The following CAND1 variants were observed in gnomAD, a reference collection of about 807,000 sequenced individuals.
CAND1 encodes cullin-associated NEDD8-dissociated protein 1.
In CAND1, 7 loss-of-function variants were observed where a neutral mutation model predicts 108.5. That is an observed-to-expected ratio of 0.06 (90% CI 0.04 to 0.12). The LOEUF is 0.12. Among genes scored for constraint, CAND1 ranks in the 10% least tolerant of loss-of-function variants. CAND1 has a pLI of 1.00. For synonymous variants in CAND1, 534 were observed against 512.0 expected, an observed-to-expected ratio of 1.04 and a Z score of -0.58; for missense variants, 941 against 1,448.7, an observed-to-expected ratio of 0.65 and a Z score of 5.69.
chr12:67,293,796 G>T (rs1424325271), intron 3 of CAND1, among the ~76,000 whole-genome samples: 1 of 152,066 alleles, frequency 6.6e-6, no homozygotes, highest in Non-Finnish European at 1.5e-5. Context: ...TGTAGTCTGG[G>T]TATGTTATTT....
chr12:67,279,739 G>C (rs4264226), intron 1 of CAND1, among the ~76,000 whole-genome samples: 2,292 of 152,148 alleles, frequency 0.015, 49 homozygotes, highest in African/African-American at 0.052. Context: ...TTACATAATA[G>C]ACAGTGAATA....
chr12:67,288,109 T>C (rs1488745278), intron 2 of CAND1, among the ~76,000 whole-genome samples: 1 of 151,680 alleles, frequency 6.6e-6, no homozygotes, highest in Non-Finnish European at 1.5e-5. Flanking sequence ...AGGTATTTGA[T>C]AGTGTTCAGA....
At chr12:67,285,058 CT>C (rs1399706496) in intron 2 of CAND1, among the ~76,000 whole-genome samples, 7 of 152,132 alleles carry the variant, frequency 4.6e-5, no homozygotes, top group African/African-American at 1.7e-4. Context: ...TTCATATAAG[CT>C]TTTGATAAGT....
chr12:67,297,488 G>A lies in CAND1; in HGVS notation c.573G>A (p.Val191=). The A allele has an allele frequency of 6.2e-7, 1 of 1,614,066 alleles. No homozygotes were observed. Among genetic ancestry groups the A allele is most frequent in the Non-Finnish European group, 8.5e-7 (1 of 1,179,982 alleles). ...LPQLTSPRLA[V]RKRTIIALGH... Reference sequence around the variant, plus strand: ...AGTTGACCAGCCCTAGACTTGCAGTGAGGAAAAGAACCATTATCGCTCTTG... The same window carrying A: ...AGTTGACCAGCCCTAGACTTGCAGTAAGGAAAAGAACCATTATCGCTCTTG... The change falls in exon 5 of 15, where the codon GTG becomes GTA. Residue 191 remains valine, a synonymous_variant. Transcript: ENST00000545606.
At chr12:67,270,840 G>A (rs1347490999) in intron 1 of CAND1, 1 of 151,296 alleles carries the variant, frequency 6.6e-6, no homozygotes, top group East Asian at 1.9e-4. Flanking sequence ...ATGCTTAGTG[G>A]TTGTAATTTG....
rs2044494594 is a variant in CAND1 at position 67,269,481 on chromosome 12, A to AGCGCCGTCGTTAGGCT, written c.-235_-220dup. 1 of 518,002 alleles carries AGCGCCGTCGTTAGGCT rather than the reference A, an allele frequency of 1.9e-6. No homozygotes were observed. Among genetic ancestry groups the AGCGCCGTCGTTAGGCT allele is most frequent in the Non-Finnish European group, 3.4e-6 (1 of 297,908 alleles). 32.1% of individuals were successfully genotyped at this position (518,002 alleles called of 1,614,324 possible). A position where few individuals can be genotyped will look rare whatever the true frequency, so the allele number is the denominator to read the frequency against. ...CCCATGAGCTCGTTCTCACGCGAAC[A>AGCGCCGTCGTTAGGCT]GCGCCGTCGTTAGGCTGGCTCTGTA... On this transcript the variant is annotated 5_prime_UTR_variant, in exon 1 of 15. Transcript: ENST00000545606.
In CAND1 at chr12:67,282,878, G is replaced by A. The variant is rs2044633352; in HGVS notation, c.212+825G>A. Among the ~76,000 whole-genome samples, 3 of 152,286 alleles carry A rather than the reference G, an allele frequency of 2.0e-5. No homozygotes were observed. In the South Asian group the frequency reaches 6.2e-4, roughly 32 times the overall value. ...TGATTGTCTTTGTGTATACATTGCA[G>A]TGGGAGCTTCTTGCTATGCATGATG... On this transcript the variant is annotated intron_variant, in intron 2 of 14. Transcript: ENST00000545606.
intron 3 of CAND1, among the ~76,000 whole-genome samples, chr12:67,293,907 C>G (rs1227222623): frequency 6.6e-6 from 1 of 152,142 alleles, no homozygotes; most frequent in East Asian, 1.9e-4. Flanking sequence ...CTTACTGTTC[C>G]TTCTAGTTTG....
In CAND1 at chr12:67,318,156, A is replaced by G. The variant is rs570352345; in HGVS notation, c.*5326A>G. On this transcript the variant is annotated 3_prime_UTR_variant, in exon 15 of 15. Coordinates refer to ENST00000545606, the MANE Select transcript of CAND1 (RefSeq NM_018448.5). The stretch of plus-strand genomic sequence containing the variant: ...GCTAGACGTGGTGGCACATGCCTGT[A>G]GTCCCAGCTGTGTGGGAGGCTGAGG... 2.0e-5 allele frequency: 3 copies of G among 152,474 alleles called. No homozygotes were observed. Among genetic ancestry groups the G allele is most frequent in the African/African-American group, 4.8e-5 (2 of 41,590 alleles). The allele number at this position is 152,474 out of a possible 1,614,324, so 9.4% of individuals were successfully genotyped here. A position where few individuals can be genotyped will look rare whatever the true frequency, so the allele number is the denominator to read the frequency against.
chr12:67,269,601 C>A lies in CAND1; in HGVS notation c.-117C>A. On this transcript the variant is annotated 5_prime_UTR_variant, in exon 1 of 15. Coordinates refer to ENST00000545606, the MANE Select transcript of CAND1 (RefSeq NM_018448.5). ...GTCAGCGTCGGCGTCGCGCTGCGACCCTGGAAGCGGGAGCCGCCGCGAGCG... is the reference window on the plus strand; with the variant it reads ...GTCAGCGTCGGCGTCGCGCTGCGACACTGGAAGCGGGAGCCGCCGCGAGCG... 1.2e-6 allele frequency: 1 copy of A among 845,030 alleles called. No individual in the cohort carries two copies. The highest frequency in any genetic ancestry group is 1.8e-6 in the Non-Finnish European group (1 of 543,174). 52.3% of individuals were successfully genotyped at this position (845,030 alleles called of 1,614,324 possible). A position where few individuals can be genotyped will look rare whatever the true frequency, so the allele number is the denominator to read the frequency against.
intron 1 of CAND1, among the ~76,000 whole-genome samples, chr12:67,279,049 A>T (rs3850601): frequency 0.048 from 7,233 of 152,188 alleles, 211 homozygotes; most frequent in Non-Finnish European, 0.058. Flanking sequence ...GTATGAGTAT[A>T]TAACGCCATT....
At chr12:67,312,478 C>A in intron 14 of CAND1, 128 bp from the exon 15 acceptor site, 1 of 510,852 alleles carries the variant, frequency 2.0e-6, no homozygotes, top group Non-Finnish European at 3.5e-6. Flanking sequence ...AACAGTTGTT[C>A]TTAGAATGTA....
chr12:67,298,505 A>C (rs967470211), intron 6 of CAND1, among the ~76,000 whole-genome samples: 1 of 152,190 alleles, frequency 6.6e-6, no homozygotes, highest in Non-Finnish European at 1.5e-5. Flanking sequence ...TGAGAAACAC[A>C]AAGTATTCTT....
At chr12:67,278,501 A>T (rs1481828090) in intron 1 of CAND1, among the ~76,000 whole-genome samples, 1 of 151,304 alleles carries the variant, frequency 6.6e-6, no homozygotes, top group African/African-American at 2.4e-5. Context: ...AGTCTAGGTC[A>T]TGTTACTTTG....
chr12:67,300,515 C>T (rs942108941), intron 7 of CAND1, among the ~76,000 whole-genome samples: 1 of 152,054 alleles, frequency 6.6e-6, no homozygotes, highest in African/African-American at 2.4e-5. Context: ...AGAATGGTAC[C>T]TCTATTCTTC....
intron 1 of CAND1, among the ~76,000 whole-genome samples, chr12:67,277,977 AT>A: frequency 6.6e-6 from 1 of 152,146 alleles, no homozygotes; most frequent in Non-Finnish European, 1.5e-5. Flanking sequence ...TGTAAATCTG[AT>A]CATTGCATTT....
chr12:67,309,609 T>C (rs78179984), intron 11 of CAND1, among the ~76,000 whole-genome samples: 9,494 of 152,052 alleles, frequency 0.062, 355 homozygotes, highest in African/African-American at 0.087. Flanking sequence ...CTTATATCTA[T>C]AGAAGTGATA....
chr12:67,311,011 T>C (rs1382471227), intron 13 of CAND1: 1 of 151,890 alleles, frequency 6.6e-6, no homozygotes, highest in East Asian at 1.9e-4. Context: ...ATATATGCAT[T>C]GTGTCTTTTT....
intron 1 of CAND1, among the ~76,000 whole-genome samples, chr12:67,273,102 TACTAGCCTCGGTTTAGTGAAA>T (rs1489575329): frequency 6.6e-6 from 1 of 152,222 alleles, no homozygotes; most frequent in Non-Finnish European, 1.5e-5. Flanking sequence ...GCCTGTTACT[TACTAGCCTCGGTTTAGTGAAA>T]AGTTATTAAT....
Sources: gnomAD v4.1 joint callset for allele counts (sites outside exome capture counted in the v4.1 genomes callset) on GRCh38, gnomAD v4.1.1 for gene constraint, MANE v1.5 for transcripts, NCBI Gene and HGNC (gene_info 2026-07-23, HGNC 2026-07-21) for gene names.